The following CSMD2 variants were observed in gnomAD, a reference collection of about 807,000 sequenced individuals.
CSMD2 encodes CUB and Sushi multiple domains 2.
Under a neutral mutation model 398.5 loss-of-function variants are expected in CSMD2, and 130 were observed. The observed-to-expected ratio is 0.33, with a 90% CI of 0.28 to 0.38. The LOEUF is 0.38. Ranked by LOEUF, CSMD2 falls within the 10% of genes least tolerant of loss-of-function variation. The pLI is 1.00. For missense variants in CSMD2, 3,829 were observed against 4,764.9 expected, an observed-to-expected ratio of 0.80 and a Z score of 5.78; for synonymous variants, 1,828 against 1,908.5, an observed-to-expected ratio of 0.96 and a Z score of 1.10.
In CSMD2 at chr1:33,736,929, G is replaced by A. The variant is rs950676254; in HGVS notation, c.2368+2211C>T. ...TCTCAGAGATATGAACCAACACAACGAAAACTAAAGAAATTAGAAGTGGTC... is the reference window on the plus strand; with the variant it reads ...TCTCAGAGATATGAACCAACACAACAAAAACTAAAGAAATTAGAAGTGGTC... On this transcript the variant is annotated intron_variant, in intron 15 of 70. Coordinates refer to ENST00000373381, the MANE Select transcript of CSMD2 (RefSeq NM_001281956.2). Among the ~76,000 whole-genome samples, 3 of 152,292 alleles carry A rather than the reference G, an allele frequency of 2.0e-5. 1 individual carries two copies. The highest frequency in any genetic ancestry group is 4.1e-4 in the South Asian group (2 of 4,824).
At position 33,658,016 on chromosome 1, in the gene CSMD2, T is replaced by G. The variant is rs1190517131; in HGVS notation, c.4377A>C (p.Gly1459=). 1 of 1,614,190 alleles carries G rather than the reference T, an allele frequency of 6.2e-7. No individual in the cohort carries two copies. Among genetic ancestry groups the G allele is most frequent in the East Asian group, 2.2e-5 (1 of 44,890 alleles). Reference sequence around the variant, plus strand: ...TCTTCACACAGCTGATCTCTGCACTTCCCTGCAGCGCGTAGCCAGGGTCAC... The same window carrying G: ...TCTTCACACAGCTGATCTCTGCACTGCCCTGCAGCGCGTAGCCAGGGTCAC... ...FQCDPGYALQ[G]SAEISCVKIE... The change falls in exon 27 of 71, where the codon GGA becomes GGC. Residue 1459 remains glycine, a synonymous_variant. Coordinates refer to ENST00000373381, the MANE Select transcript of CSMD2 (RefSeq NM_001281956.2).
chr1:33,691,292 G>A (rs1002387988), intron 25 of CSMD2, among the ~76,000 whole-genome samples: 15 of 152,122 alleles, frequency 9.9e-5, no homozygotes, highest in East Asian at 3.9e-4. Flanking sequence ...CATGGAATCC[G>A]GTTTCTGATC....
At chr1:34,067,376 C>T (rs72667726) in intron 2 of CSMD2, among the ~76,000 whole-genome samples, 4,648 of 152,288 alleles carry the variant, frequency 0.031, 100 homozygotes, top group East Asian at 0.06. Context: ...CTACTGAAGG[C>T]AGTTCTTATG....
At chr1:34,047,325 A>G (rs1343539809) in intron 2 of CSMD2, among the ~76,000 whole-genome samples, 1 of 152,028 alleles carries the variant, frequency 6.6e-6, no homozygotes, top group Non-Finnish European at 1.5e-5. Context: ...CTCTTCCCCC[A>G]GATGTGTATG....
intron 9 of CSMD2, among the ~76,000 whole-genome samples, chr1:33,816,194 G>T (rs927718407): frequency 6.6e-6 from 1 of 152,020 alleles, no homozygotes; most frequent in African/African-American, 2.4e-5. Flanking sequence ...CCACCCAAAG[G>T]CATATACATA....
At chr1:34,069,736 C>G (rs1426528656) in intron 2 of CSMD2, among the ~76,000 whole-genome samples, 1 of 152,190 alleles carries the variant, frequency 6.6e-6, no homozygotes, top group African/African-American at 2.4e-5. Flanking sequence ...TAACAGAATA[C>G]TGCCTGGTCT....
chr1:34,095,615 G>C (rs1295214051), intron 1 of CSMD2, among the ~76,000 whole-genome samples: 10 of 151,992 alleles, frequency 6.6e-5, no homozygotes, highest in Non-Finnish European at 1.5e-4. Context: ...ACTACCATCA[G>C]AGAATACTAC....
At chr1:33,993,911 C>G (rs1257612349) in intron 3 of CSMD2, among the ~76,000 whole-genome samples, 1 of 152,120 alleles carries the variant, frequency 6.6e-6, no homozygotes, top group African/African-American at 2.4e-5. Context: ...CAAAGGCTAC[C>G]CCTTCCAATA....
intron 13 of CSMD2, among the ~76,000 whole-genome samples, chr1:33,761,389 A>C (rs78852889): frequency 0.019 from 2,901 of 152,344 alleles, 37 homozygotes; most frequent in South Asian, 0.03. Flanking sequence ...CAGATCCCAG[A>C]TGGTCTCTAT....
At chr1:34,070,789 TTA>T (rs1655659432) in intron 2 of CSMD2, among the ~76,000 whole-genome samples, 2 of 152,208 alleles carry the variant, frequency 1.3e-5, no homozygotes, top group South Asian at 4.2e-4. Context: ...CCAGATTTCT[TTA>T]TCTCTGGATG....
intron 13 of CSMD2, among the ~76,000 whole-genome samples, chr1:33,764,957 A>G (rs1650302420): frequency 6.6e-6 from 1 of 152,200 alleles, no homozygotes; most frequent in Non-Finnish European, 1.5e-5. Context: ...GGGTGGGAGG[A>G]GAAATGAAAA....
At chr1:34,031,443 C>A (rs772520205) in intron 3 of CSMD2, among the ~76,000 whole-genome samples, 1 of 152,088 alleles carries the variant, frequency 6.6e-6, no homozygotes, top group African/African-American at 2.4e-5. Context: ...TTGTCAGGAG[C>A]CCTCAGTTAA....
intron 2 of CSMD2, among the ~76,000 whole-genome samples, chr1:34,085,219 A>G (rs1050294609): frequency 2.0e-5 from 3 of 151,286 alleles, no homozygotes; most frequent in Non-Finnish European, 2.9e-5. Flanking sequence ...ATCACACACC[A>G]GGGACTGTTG....
intron 1 of CSMD2, among the ~76,000 whole-genome samples, chr1:34,092,713 C>T (rs998034306): frequency 8.6e-5 from 13 of 151,934 alleles, no homozygotes; most frequent in South Asian, 4.2e-4. Flanking sequence ...GCTTAAAAAA[C>T]GGCGCACCAC....
chr1:33,794,965 G>T (rs551247915), intron 10 of CSMD2, among the ~76,000 whole-genome samples: 1 of 150,822 alleles, frequency 6.6e-6, no homozygotes, highest in Non-Finnish European at 1.5e-5. Context: ...TAGGTGAGGC[G>T]GGATGTGGAC....
At chr1:33,742,339 G>A (rs1647096270) in intron 14 of CSMD2, among the ~76,000 whole-genome samples, 1 of 152,228 alleles carries the variant, frequency 6.6e-6, no homozygotes, top group Non-Finnish European at 1.5e-5. Flanking sequence ...TATGCCAACG[G>A]TGGGAATGGG....
At chr1:33,558,267 G>C (rs915107) in intron 54 of CSMD2, among the ~76,000 whole-genome samples, 109,457 of 152,150 alleles carry the variant, frequency 0.72, 39,502 homozygotes, top group Admixed American at 0.81. Flanking sequence ...ATATCTGATC[G>C]TAGCACAATG....
At chr1:33,994,142 A>T (rs1646651136) in intron 3 of CSMD2, among the ~76,000 whole-genome samples, 1 of 152,172 alleles carries the variant, frequency 6.6e-6, no homozygotes, top group Non-Finnish European at 1.5e-5. Flanking sequence ...AGAGATAAAA[A>T]GATAATTGAG....
At chr1:33,766,624 C>A (rs479235) in intron 13 of CSMD2, among the ~76,000 whole-genome samples, 48,128 of 152,130 alleles carry the variant, frequency 0.32, 8,748 homozygotes, top group African/African-American at 0.5. Flanking sequence ...GGCACTTAAC[C>A]TTGGGCACTT....
Sources: allele counts gnomAD v4.1 joint callset (sites outside exome capture counted in the v4.1 genomes callset), GRCh38; gene constraint gnomAD v4.1.1; transcripts MANE v1.5; gene names NCBI Gene and HGNC (gene_info 2026-07-23, HGNC 2026-07-21).